OPLAH: variants seen among roughly 807,000 people sequenced by gnomAD.
OPLAH encodes 5-oxoprolinase.
Under a neutral mutation model 122.8 loss-of-function variants are expected in OPLAH, and 103 were observed. That is an observed-to-expected ratio of 0.84 (90% CI 0.71 to 0.99). The LOEUF (loss-of-function observed/expected upper bound fraction) is 0.99, where lower values mean the gene tolerates loss of function less well. Ranked by LOEUF, OPLAH falls within the 50% of genes least tolerant of loss-of-function variation. The pLI, the probability that OPLAH is intolerant of heterozygous loss-of-function variation, is 0.00. For missense variants in OPLAH, 1,902 were observed against 1,836.5 expected, an observed-to-expected ratio of 1.04 and a Z score of -0.65; for synonymous variants, 875 against 796.0, an observed-to-expected ratio of 1.10 and a Z score of -1.67.
rs781872340 is a variant in OPLAH at position 144,055,427 on chromosome 8, C to T, written c.2249-238G>A. ...CCAGCAAGAACCCAGTGCCACCCCT[C>T]GACCCTCCCACCCTGCCTGGCACAG... On this transcript the variant is annotated intron_variant, in intron 16 of 26. Coordinates refer to ENST00000618853, the MANE Select transcript of OPLAH (RefSeq NM_017570.5). This position sits in a 1 kb window ranked among gnomAD's most constrained non-coding sequence, Gnocchi z 6.5. Among the ~76,000 whole-genome samples the T allele has an allele frequency of 3.9e-5, 6 of 152,022 alleles. No individual in the cohort carries two copies. The highest frequency in any genetic ancestry group is 8.8e-5 in the Non-Finnish European group (6 of 67,982).
At position 144,054,926 on chromosome 8, in the gene OPLAH, G is replaced by C; in HGVS notation, c.2410-13C>G. On this transcript the variant is annotated splice_polypyrimidine_tract_variant and intron_variant, in intron 17 of 26. Transcript: ENST00000618853. Reference sequence around the variant, plus strand: ...CCAGGTGCTGAATCTGAAACCAGGAGATGGGTGCAGAGTGGGCACAGGGGA... The same window carrying C: ...CCAGGTGCTGAATCTGAAACCAGGACATGGGTGCAGAGTGGGCACAGGGGA... 6.3e-7 allele frequency: 1 copy of C among 1,584,590 alleles called. No homozygotes were observed. The highest frequency in any genetic ancestry group is 8.6e-7 in the Non-Finnish European group (1 of 1,162,442).
In OPLAH at chr8:144,055,040, C is replaced by T. The variant is rs985151989; in HGVS notation, c.2398G>A (p.Val800Met). 6.6e-7 allele frequency: 1 copy of T among 1,508,356 alleles called. No homozygotes were observed. The allele number at this position is 1,508,356 out of a possible 1,614,324, so 93.4% of individuals were successfully genotyped here. Residue 800 changes from valine (V) to methionine (M), a missense_variant, in exon 17 of 27, where the codon GTG becomes ATG. Physicochemically the swap from Val to Met is conservative, Grantham distance 21. Coordinates refer to ENST00000618853, the MANE Select transcript of OPLAH (RefSeq NM_017570.5). This position sits in a 1 kb window ranked among gnomAD's most constrained non-coding sequence, Gnocchi z 6.5. The stretch of plus-strand genomic sequence containing the variant: ...GGGGGAAGGGCCACCTGGAACTGCA[C>T]CGTCTCCTGCATGGCACCCAGGTGC... The part of the protein sequence containing the change: ...PVHLGAMQET[V>M]QFQIQHLGAD...
At chr8:144,056,058 C>T in intron 15 of OPLAH, 89 bp downstream of exon 15, 1 of 1,518,254 alleles carries the variant, frequency 6.6e-7, no homozygotes. Context: ...GTCCTGCAGG[C>T]CCCTGCAGCC....
Position 144,058,261 on chromosome 8 carries a change from A to T in OPLAH, c.927T>A (p.Pro309=). 1 of 1,610,466 alleles carries T rather than the reference A, an allele frequency of 6.2e-7. No individual in the cohort carries two copies. Among genetic ancestry groups the T allele is most frequent in the Non-Finnish European group, 8.5e-7 (1 of 1,178,842 alleles). ...TACCTCCCATGTCAAAGCCGATGAC[A>T]GGCTGGCCACCCTCCTGCTGGTAGG... ...ATTYQQEGGQ[P]VIGFDMGGTS... Residue 309 remains proline, a synonymous_variant, in exon 7 of 27, where the codon CCT becomes CCA. Transcript: ENST00000618853.
At position 144,056,489 on chromosome 8, in the gene OPLAH, G is replaced by T. The variant is rs782469088; in HGVS notation, c.1879C>A (p.Arg627=). 6.2e-7 allele frequency: 1 copy of T among 1,611,712 alleles called. No individual in the cohort carries two copies. Among genetic ancestry groups the T allele is most frequent in the Non-Finnish European group, 8.5e-7 (1 of 1,179,352 alleles). ...CGCACATCGTCCACGACCACCGGCC[G>T]CTCAGGTATGACAAAGCCAAACTCC... The part of the protein sequence containing the change: ...MREFGFVIPE[R]PVVVDDVRVR... Residue 627 remains arginine, a synonymous_variant, in exon 14 of 27, where the codon CGG becomes AGG. Transcript: ENST00000618853.
chr8:144,053,457 C>A, intron 19 of OPLAH, 64 bp from the exon 20 acceptor site: 1 of 1,493,944 alleles, frequency 6.7e-7, no homozygotes. Flanking sequence ...ACCCAGGTTT[C>A]CCAGATCCAG....
Position 144,053,047 on chromosome 8 carries a change from G to A in OPLAH, c.2954C>T (p.Ser985Phe). 1 of 1,602,868 alleles carries A rather than the reference G, an allele frequency of 6.2e-7. No individual in the cohort carries two copies. Among genetic ancestry groups the A allele is most frequent in the Non-Finnish European group, 8.5e-7 (1 of 1,175,922 alleles). ...ACCGTCGTCCATGTGGTCTTCCGAG[G>A]ACACCTCCAGGGGCAGGCCCCGGGC... ...RQARGLPLEVSSEDHMDDGSP... is the reference protein window; with the variant it reads ...RQARGLPLEVFSEDHMDDGSP... The change falls in exon 21 of 27, where the codon TCC becomes TTC. Residue 985 changes from serine to phenylalanine, a missense_variant. Coordinates refer to ENST00000618853, the MANE Select transcript of OPLAH (RefSeq NM_017570.5).
chr8:144,056,463 TCG>T lies in OPLAH; in HGVS notation c.1903_1904del (p.Arg635SerfsTer33). ...GACCACTGCGGCCGGTGCCCCGCACTCGCACATCGTCCACGACCACCGGCCGC... is the reference window on the plus strand; with the variant it reads ...GACCACTGCGGCCGGTGCCCCGCACTCACATCGTCCACGACCACCGGCCGC... ...PERPVVVDDV[R>X]VRGTGRSGLR... On this transcript the variant is annotated frameshift_variant, in exon 14 of 27. Transcript: ENST00000618853. LOFTEE classifies it high-confidence loss of function. 1 of 1,611,580 alleles carries T rather than the reference TCG, an allele frequency of 6.2e-7. No individual in the cohort carries two copies. The highest frequency in any genetic ancestry group is 8.5e-7 in the Non-Finnish European group (1 of 1,179,422).
In OPLAH at chr8:144,055,653, A is replaced by T; in HGVS notation, c.2248+135T>A. ...TTCTCATGGCCAACTGCACCACACC[A>T]GTGCTGCGGCCACACTGCCCGCCCC... On this transcript the variant is annotated intron_variant, in intron 16 of 26. Coordinates refer to ENST00000618853, the MANE Select transcript of OPLAH (RefSeq NM_017570.5). The surrounding 1 kb of genome is among the most constrained non-coding windows in gnomAD (Gnocchi z 6.5). 1 of 1,083,414 alleles carries T rather than the reference A, an allele frequency of 9.2e-7. No individual in the cohort carries two copies. Among genetic ancestry groups the T allele is most frequent in the Non-Finnish European group, 1.3e-6 (1 of 792,938 alleles). The allele number at this position is 1,083,414 out of a possible 1,614,324, so 67.1% of individuals were successfully genotyped here.
At chr8:144,056,284 G>A in intron 14 of OPLAH, 25 bp from the exon 15 acceptor site, 3 of 1,603,070 alleles carry the variant, frequency 1.9e-6, no homozygotes, top group Non-Finnish European at 2.6e-6. Context: ...GGTGAGTACA[G>A]CGCCCGGGCC....
chr8:144,063,240 G>T (rs1259694845), upstream of OPLAH, among the ~76,000 whole-genome samples: 2 of 152,074 alleles, frequency 1.3e-5, no homozygotes, highest in African/African-American at 2.4e-5. This position sits in a 1 kb window ranked among gnomAD's most constrained non-coding sequence, Gnocchi z 4.2. Flanking sequence ...CCCCCACCCA[G>T]CGAGCTGCCC....
In OPLAH at chr8:144,052,645, G is replaced by A. The variant is rs782060598; in HGVS notation, c.3154-47C>T. 1.4e-5 allele frequency: 22 copies of A among 1,553,002 alleles called. No individual in the cohort carries two copies. The Admixed American group carries it at 2.6e-4, about 19-fold the overall frequency. On this transcript the variant is annotated intron_variant, in intron 22 of 26. Coordinates refer to ENST00000618853, the MANE Select transcript of OPLAH (RefSeq NM_017570.5). Reference sequence around the variant, plus strand: ...CAGGAGCTCTTGGGGTGGGCTCCGGGAGAAACAGCACCCCACCCCCCGCCC... The same window carrying A: ...CAGGAGCTCTTGGGGTGGGCTCCGGAAGAAACAGCACCCCACCCCCCGCCC...
chr8:144,052,124 G>C (rs782490420), intron 24 of OPLAH, 45 bp downstream of exon 24: 2 of 1,548,898 alleles, frequency 1.3e-6, no homozygotes, highest in African/African-American at 1.4e-5. Context: ...CCCGAGCCCC[G>C]GCTCCCACCC....
chr8:144,052,507 G>A lies in OPLAH; in HGVS notation c.3245C>T (p.Thr1082Met), dbSNP rs781797649. 4 of 1,578,370 alleles carry A rather than the reference G, an allele frequency of 2.5e-6. No homozygotes were observed. Among genetic ancestry groups the A allele is most frequent in the South Asian group, 1.1e-5 (1 of 87,606 alleles). Reference sequence around the variant, plus strand: ...GATGACATCCACCACGCGCTGCGACGTGAGCACGTTGCCGCCCACCACCGC... The same window carrying A: ...GATGACATCCACCACGCGCTGCGACATGAGCACGTTGCCGCCCACCACCGC... The part of the protein sequence containing the change: ...EAAVVGGNVL[T>M]SQRVVDVILG... The change falls in exon 23 of 27, where the codon ACG becomes ATG. Residue 1082 changes from threonine to methionine, a missense_variant. Thr to Met is a moderately conservative substitution (Grantham distance 81). Coordinates refer to ENST00000618853, the MANE Select transcript of OPLAH (RefSeq NM_017570.5).
At position 144,052,268 on chromosome 8, in the gene OPLAH, G is replaced by C; in HGVS notation, c.3362C>G (p.Ala1121Gly). Residue 1121 changes from alanine (A) to glycine (G), a missense_variant, in exon 24 of 27, where the codon GCG (alanine) becomes GGG (glycine). Ala to Gly is a moderately conservative substitution (Grantham distance 60). Transcript: ENST00000618853. ...GCTGGGACCCGCGCCCGCGCCGCCCGCCACCGTCTCGTAGTAGCCCATGTG... is the reference window on the plus strand; with the variant it reads ...GCTGGGACCCGCGCCCGCGCCGCCCCCCACCGTCTCGTAGTAGCCCATGTG... ...NAHMGYYETV[A>G]GGAGAGPSWH... 1.3e-6 allele frequency: 2 copies of C among 1,537,134 alleles called. No individual in the cohort carries two copies. Among genetic ancestry groups the C allele is most frequent in the Non-Finnish European group, 1.7e-6 (2 of 1,146,564 alleles).
chr8:144,060,003 A>G lies in OPLAH; in HGVS notation c.30T>C (p.Phe10=). The G allele has an allele frequency of 6.2e-7, 1 of 1,612,642 alleles. No homozygotes were observed. Among genetic ancestry groups the G allele is most frequent in the Non-Finnish European group, 8.5e-7 (1 of 1,179,782 alleles). The change falls in exon 2 of 27, where the codon TTT becomes TTC. Residue 10 remains phenylalanine (F), a synonymous_variant. Transcript: ENST00000618853. MGSPEGRFH[F]AIDRGGTFTD... is the part of the protein sequence containing the mutation. Reference sequence around the variant, plus strand: ...TGAAGGTACCCCCACGGTCGATGGCAAAGTGGAAGCGGCCCTCGGGGCTGC... The same window carrying G: ...TGAAGGTACCCCCACGGTCGATGGCGAAGTGGAAGCGGCCCTCGGGGCTGC...
chr8:144,059,131 G>A (rs1048004192), intron 3 of OPLAH, 52 bp from the exon 4 acceptor site: 6 of 1,450,316 alleles, frequency 4.1e-6, no homozygotes, highest in Non-Finnish European at 4.7e-6. Flanking sequence ...GTCCAGGCCG[G>A]GGTCCTGTGT....
At chr8:144,056,571 G>A (rs978473014) in intron 13 of OPLAH, 47 bp downstream of exon 13, 2 of 1,612,320 alleles carry the variant, frequency 1.2e-6, no homozygotes, top group Non-Finnish European at 1.7e-6. Flanking sequence ...GAGGCGGCCA[G>A]ACAGGAGGGC....
intron 19 of OPLAH, 130 bp from the exon 20 acceptor site, chr8:144,053,523 C>T: frequency 2.3e-6 from 2 of 854,734 alleles, no homozygotes; most frequent in East Asian, 5.2e-5. Flanking sequence ...TGCTCAGCAC[C>T]TCAGGAAAGC....
Sources: allele counts gnomAD v4.1 joint callset (sites outside exome capture counted in the v4.1 genomes callset), GRCh38; gene constraint gnomAD v4.1.1; non-coding constraint Gnocchi (gnomAD v3.1); transcripts MANE v1.5; gene names NCBI Gene and HGNC (gene_info 2026-07-23, HGNC 2026-07-21).